The following SRP54 variants were observed in gnomAD, a reference collection of about 807,000 sequenced individuals.
SRP54 encodes the protein signal recognition particle 54.
SRP54 carries 10 observed loss-of-function variants against 64.8 expected under a neutral mutation model. That is an observed-to-expected ratio of 0.15 (90% CI 0.10 to 0.26). The LOEUF (loss-of-function observed/expected upper bound fraction) is 0.26, where lower values mean the gene tolerates loss of function less well. SRP54 is among the 10% of genes least tolerant of loss of function. The pLI, the probability that SRP54 is intolerant of heterozygous loss-of-function variation, is 1.00. For synonymous variants in SRP54, 193 were observed against 185.6 expected (o/e 1.04, Z -0.32); for missense variants, 325 against 613.7 (o/e 0.53, Z 4.97).
chr14:35,007,209 A>T (rs1056309889), intron 4 of SRP54, 74 bp from the exon 5 acceptor site: 1 of 1,008,352 alleles, frequency 9.9e-7, no homozygotes. Flanking sequence ...AGGAAAAAAA[A>T]GTTGTGGGGA....
At chr14:35,006,083 C>G (rs940355891) in intron 4 of SRP54, among the ~76,000 whole-genome samples, 3 of 152,138 alleles carry the variant, frequency 2.0e-5, no homozygotes, top group Non-Finnish European at 4.4e-5. Flanking sequence ...TTGTGATCCA[C>G]CTGCCTCTGC....
chr14:34,986,864 A>T (rs141752183), intron 1 of SRP54, among the ~76,000 whole-genome samples: 107 of 150,130 alleles, frequency 7.1e-4, no homozygotes, highest in African/African-American at 2.5e-3. Flanking sequence ...GCACAGAGTG[A>T]GACTCTGTCT....
chr14:34,993,793 T>A (rs558667633), intron 1 of SRP54, among the ~76,000 whole-genome samples: 1 of 151,542 alleles, frequency 6.6e-6, no homozygotes, highest in East Asian at 2.0e-4. Context: ...CCTCCCGGGT[T>A]CAAGCGATTC....
At chr14:35,019,948 T>TG (rs368758051) in intron 13 of SRP54, among the ~76,000 whole-genome samples, 6 of 152,280 alleles carry the variant, frequency 3.9e-5, no homozygotes, top group African/African-American at 1.4e-4. Context: ...TTTGGGAGGC[T>TG]GAGGCGGGCG....
chr14:35,000,385 G>A (rs1039880115), intron 3 of SRP54, among the ~76,000 whole-genome samples: 1 of 151,944 alleles, frequency 6.6e-6, no homozygotes, highest in African/African-American at 2.4e-5. Flanking sequence ...GGCCAACATG[G>A]TGAAACCCTG....
chr14:35,008,188 A>C (rs1460923039), intron 5 of SRP54, among the ~76,000 whole-genome samples: 1 of 152,194 alleles, frequency 6.6e-6, no homozygotes, highest in Non-Finnish European at 1.5e-5. Context: ...AACATAGCTT[A>C]CTGTAGCCTT....
intron 1 of SRP54, among the ~76,000 whole-genome samples, chr14:34,984,358 C>T (rs897078990): frequency 1.3e-5 from 2 of 152,164 alleles, no homozygotes; most frequent in African/African-American, 4.8e-5. Context: ...TATTTTCAGT[C>T]TTGGTTAACG....
chr14:35,010,615 A>G (rs2044340673), intron 7 of SRP54, among the ~76,000 whole-genome samples: 1 of 151,836 alleles, frequency 6.6e-6, no homozygotes, highest in Non-Finnish European at 1.5e-5. Flanking sequence ...AAATACAAAA[A>G]TTAGCCAGGC....
chr14:35,015,521 A>G (rs991892561), intron 11 of SRP54, among the ~76,000 whole-genome samples: 2 of 152,198 alleles, frequency 1.3e-5, no homozygotes, highest in African/African-American at 4.8e-5. Flanking sequence ...TAAATATAAC[A>G]TACCTGTTTT....
rs372581759 is a variant in SRP54, at chr14:35,022,740, T to C, written c.1157-170T>C. Among the ~76,000 whole-genome samples, 17 of 152,348 alleles carry C rather than the reference T, an allele frequency of 1.1e-4. No homozygotes were observed. In the East Asian group the frequency reaches 2.9e-3, roughly 26 times the overall value. Reference sequence around the variant, plus strand: ...TGGGTGGTAGTTTGACTATGTATTATGTCTGTTTTTCTGTATGTAAGATAT... The same window carrying C: ...TGGGTGGTAGTTTGACTATGTATTACGTCTGTTTTTCTGTATGTAAGATAT... On this transcript the variant is annotated intron_variant, in intron 13 of 15. Transcript: ENST00000216774.
intron 1 of SRP54, among the ~76,000 whole-genome samples, chr14:34,991,312 T>C (rs975815763): frequency 6.6e-6 from 1 of 151,462 alleles, no homozygotes; most frequent in Non-Finnish European, 1.5e-5. Flanking sequence ...GTATTTTCAG[T>C]AGAGATGGGG....
chr14:35,005,797 C>T (rs1444338498), intron 4 of SRP54, among the ~76,000 whole-genome samples: 1 of 152,166 alleles, frequency 6.6e-6, no homozygotes, highest in Non-Finnish European at 1.5e-5. Flanking sequence ...AAGCTCCAAA[C>T]AACTGACCCC....
chr14:35,004,863 G>A (rs1029008078), intron 4 of SRP54, among the ~76,000 whole-genome samples: 3 of 152,130 alleles, frequency 2.0e-5, no homozygotes, highest in Non-Finnish European at 4.4e-5. Context: ...CCTAGGAAAG[G>A]TATAAGAAAA....
chr14:34,990,295 C>A (rs1566641252), intron 1 of SRP54, among the ~76,000 whole-genome samples: 1 of 152,162 alleles, frequency 6.6e-6, no homozygotes, highest in South Asian at 2.1e-4. Context: ...AATGTGATTT[C>A]TTCTATTATA....
At chr14:35,011,107 A>G (rs1261631642) in intron 7 of SRP54, among the ~76,000 whole-genome samples, 1 of 150,348 alleles carries the variant, frequency 6.7e-6, no homozygotes, top group Non-Finnish European at 1.5e-5. Context: ...TTTTTTTTGT[A>G]GAGATGGAAT....
intron 9 of SRP54, 85 bp from the exon 10 acceptor site, chr14:35,013,717 G>T: frequency 8.0e-7 from 1 of 1,248,846 alleles, no homozygotes; most frequent in South Asian, 1.4e-5. Flanking sequence ...ATTAGCTTTG[G>T]AGGCGGATTC....
chr14:35,020,942 T>A (rs936733874), intron 13 of SRP54, among the ~76,000 whole-genome samples: 10 of 152,200 alleles, frequency 6.6e-5, no homozygotes, highest in African/African-American at 2.2e-4. Flanking sequence ...CTTCCTCTAT[T>A]TGCTTAACTC....
intron 1 of SRP54, among the ~76,000 whole-genome samples, chr14:34,989,731 A>C (rs2043954197): frequency 1.3e-5 from 2 of 152,138 alleles, no homozygotes; most frequent in Admixed American, 1.3e-4. Context: ...TTGTTCAGAA[A>C]ATTTCCAGCT....
chr14:35,008,929 C>T, intron 7 of SRP54, 98 bp downstream of exon 7: 1 of 978,712 alleles, frequency 1.0e-6, no homozygotes, highest in Non-Finnish European at 1.5e-6. Context: ...CTCTGTCACC[C>T]AGGCTGGGGT....
Sources: allele counts gnomAD v4.1 joint callset (sites outside exome capture counted in the v4.1 genomes callset), GRCh38; gene constraint gnomAD v4.1.1; transcripts MANE v1.5; gene names NCBI Gene and HGNC (gene_info 2026-07-23, HGNC 2026-07-21).